The following TSHZ2 variants were observed in gnomAD, a reference collection of about 807,000 sequenced individuals.
TSHZ2 encodes the protein teashirt homolog 2.
A neutral mutation model predicts 74.4 loss-of-function variants in TSHZ2; 21 were observed. The observed-to-expected ratio is 0.28, with a 90% CI of 0.20 to 0.41. The LOEUF (loss-of-function observed/expected upper bound fraction) is 0.41. TSHZ2 is among the 10% of genes least tolerant of loss of function. The probability of loss-of-function intolerance (pLI) is 1.00; values close to 1 mark genes in which losing one functional copy is unlikely to be tolerated. For missense variants in TSHZ2, 1,244 were observed against 1,293.5 expected (o/e 0.96, Z 0.59); for synonymous variants, 540 against 515.3 (o/e 1.05, Z -0.65).
intron 2 of TSHZ2, among the ~76,000 whole-genome samples, chr20:53,395,058 G>C (rs1982400004): frequency 6.6e-6 from 1 of 152,012 alleles, no homozygotes; most frequent in Non-Finnish European, 1.5e-5. Context: ...GGAAGGTAGA[G>C]GAGCTTTAAA....
chr20:53,254,993 G>A lies in TSHZ2; in HGVS notation c.1535G>A (p.Gly512Asp), dbSNP rs777189506. 10 of 1,614,070 alleles carry A rather than the reference G, an allele frequency of 6.2e-6. No individual in the cohort carries two copies. In the African/African-American group the frequency reaches 1.2e-4, roughly 19 times the overall value. ...REEDLEDGSK[G>D]GGDILKSLEN... ...GAAGACTTGGAAGATGGCTCAAAGG[G>A]TGGAGGGGACATTTTGAAATCTTTG... The change falls in exon 2 of 3, where the codon GGT becomes GAT. Residue 512 changes from glycine to aspartate, a missense_variant. By Grantham distance (94) the Gly-to-Asp change is moderately conservative. Transcript: ENST00000371497.
chr20:53,042,488 T>C (rs1300288444), intron 1 of TSHZ2, among the ~76,000 whole-genome samples: 1 of 152,168 alleles, frequency 6.6e-6, no homozygotes, highest in Admixed American at 6.5e-5. Flanking sequence ...CTGACAATGC[T>C]TTGAAAGAGG....
rs1175205330 is a variant in TSHZ2 at position 53,256,992 on chromosome 20, G to T, written c.*8+421G>T. On this transcript the variant is annotated intron_variant, in intron 2 of 2. Coordinates refer to ENST00000371497, the MANE Select transcript of TSHZ2 (RefSeq NM_173485.6). This position sits in a 1 kb window ranked among gnomAD's most constrained non-coding sequence, Gnocchi z 4.3. The stretch of plus-strand genomic sequence containing the variant: ...ATGACTTATAAAGTGACAAAAAGTT[G>T]AGCAATGGAAGAAAGATTGGAGAGT... 1.3e-5 allele frequency among the ~76,000 whole-genome samples: 2 copies of T among 152,180 alleles called. No individual in the cohort carries two copies. The highest frequency in any genetic ancestry group is 4.8e-5 in the African/African-American group (2 of 41,446).
Position 53,488,857 on chromosome 20 carries a change from A to T in TSHZ2, c.*1722A>T. ...GATTAAAAAAAAAAAAAAACTTCTT[A>T]TTTACCTCCTAGGGAAAGTGTTGCC... On this transcript the variant is annotated 3_prime_UTR_variant, in exon 3 of 3. Transcript: ENST00000371497. 9.0e-6 allele frequency: 3 copies of T among 332,924 alleles called. No individual in the cohort carries two copies. The highest frequency in any genetic ancestry group is 2.4e-5 in the South Asian group (1 of 41,794). 20.6% of individuals were successfully genotyped at this position (332,924 alleles called of 1,614,324 possible).
At chr20:53,284,708 A>T (rs1991131402) in intron 2 of TSHZ2, among the ~76,000 whole-genome samples, 1 of 151,318 alleles carries the variant, frequency 6.6e-6, no homozygotes, top group Non-Finnish European at 1.5e-5. Flanking sequence ...TCCCCCCTAC[A>T]CGCCCGTCCC....
At chr20:53,170,527 C>T (rs992194079) in intron 1 of TSHZ2, among the ~76,000 whole-genome samples, 3 of 152,068 alleles carry the variant, frequency 2.0e-5, no homozygotes, top group East Asian at 1.9e-4. Flanking sequence ...ATGGTGGTGG[C>T]GGGGGCCGGG....
At chr20:53,292,360 C>G (rs1172400590) in intron 2 of TSHZ2, among the ~76,000 whole-genome samples, 1 of 152,062 alleles carries the variant, frequency 6.6e-6, no homozygotes, top group African/African-American at 2.4e-5. Context: ...CAAAGCAATC[C>G]TAGTAGCCTC....
At chr20:53,275,791 G>A (rs539209241) in intron 2 of TSHZ2, among the ~76,000 whole-genome samples, 2 of 152,162 alleles carry the variant, frequency 1.3e-5, no homozygotes, top group Non-Finnish European at 2.9e-5. Context: ...GCCAGGCGCG[G>A]TGGCACATGC....
chr20:53,159,647 G>A (rs1407683162), intron 1 of TSHZ2, among the ~76,000 whole-genome samples: 1 of 145,076 alleles, frequency 6.9e-6, no homozygotes, highest in Non-Finnish European at 1.5e-5. Flanking sequence ...TTAAAAAACA[G>A]GAGTTAAAAA....
chr20:53,043,701 A>G (rs1984126096), intron 1 of TSHZ2, among the ~76,000 whole-genome samples: 1 of 152,046 alleles, frequency 6.6e-6, no homozygotes, highest in Admixed American at 6.6e-5. Flanking sequence ...CAATTTCTTC[A>G]TTCGAATATA....
intron 1 of TSHZ2, among the ~76,000 whole-genome samples, chr20:53,058,574 C>T (rs1038592422): frequency 3.3e-5 from 5 of 152,148 alleles, no homozygotes; most frequent in African/African-American, 7.2e-5. Flanking sequence ...AAGCTGACCC[C>T]GTTAGTTGTT....
intron 1 of TSHZ2, among the ~76,000 whole-genome samples, chr20:53,032,145 G>A (rs1460157488): frequency 1.3e-5 from 2 of 152,190 alleles, no homozygotes; most frequent in African/African-American, 4.8e-5. Flanking sequence ...ATTGCTCCAA[G>A]AGGAAACACA....
intron 2 of TSHZ2, among the ~76,000 whole-genome samples, chr20:53,334,400 G>C (rs73911295): frequency 0.011 from 1,603 of 152,250 alleles, 20 homozygotes; most frequent in African/African-American, 0.037. Context: ...ATTCTAAGTG[G>C]GGGAACAGCA....
chr20:53,399,236 T>C lies in TSHZ2; in HGVS notation c.*9-87908T>C, dbSNP rs1044034350. On this transcript the variant is annotated intron_variant, in intron 2 of 2. Coordinates refer to ENST00000371497, the MANE Select transcript of TSHZ2 (RefSeq NM_173485.6). The stretch of plus-strand genomic sequence containing the variant: ...ACACGATAATTTAAACTTGTTTGTA[T>C]GGAAATAAAGGACGAGTCTTTGAAG... 1.4e-4 allele frequency: 21 copies of C among 152,182 alleles called. 1 individual carries two copies. The highest frequency in any genetic ancestry group is 1.5e-5 in the Non-Finnish European group (1 of 68,042). 9.4% of individuals were successfully genotyped at this position (152,182 alleles called of 1,614,324 possible). A position where few individuals can be genotyped will look rare whatever the true frequency, so the allele number is the denominator to read the frequency against.
intron 2 of TSHZ2, among the ~76,000 whole-genome samples, chr20:53,355,482 TTAAGC>T (rs1331367450): frequency 6.6e-6 from 1 of 152,148 alleles, no homozygotes; most frequent in Non-Finnish European, 1.5e-5. Flanking sequence ...TTCAAAAACA[TTAAGC>T]TAAGTGAAAG....
intron 1 of TSHZ2, among the ~76,000 whole-genome samples, chr20:53,052,367 G>A (rs981921799): frequency 2.6e-5 from 4 of 152,168 alleles, no homozygotes; most frequent in South Asian, 2.1e-4. Flanking sequence ...CAGCAAGTGC[G>A]GCATTAGATT....
At chr20:53,436,564 T>TTTTG (rs1984088176) in intron 2 of TSHZ2, among the ~76,000 whole-genome samples, 1 of 145,564 alleles carries the variant, frequency 6.9e-6, no homozygotes, top group Admixed American at 6.9e-5. Flanking sequence ...TTTTTTTTTT[T>TTTTG]AGATGGAGCC....
Position 53,342,298 on chromosome 20 carries a change from C to CT in TSHZ2, c.*8+85747dup, listed in dbSNP as rs150260645. ...TTGTTGGCAGTAATATCTTCTCAGG[C>CT]TTTTTTTTTTTTTTTTTTTTAATGA... On this transcript the variant is annotated intron_variant, in intron 2 of 2. Coordinates refer to ENST00000371497, the MANE Select transcript of TSHZ2 (RefSeq NM_173485.6). Among the ~76,000 whole-genome samples the CT allele has an allele frequency of 6.3e-3, 723 of 115,328 alleles. 15 individuals are homozygous for CT. Among genetic ancestry groups the CT allele is most frequent in the African/African-American group, 0.017 (496 of 29,422 alleles). 75.7% of individuals were successfully genotyped at this position (115,328 alleles called of 152,430 possible). A position where few individuals can be genotyped will look rare whatever the true frequency, so the allele number is the denominator to read the frequency against.
At chr20:53,301,687 C>T (rs1180701213) in intron 2 of TSHZ2, among the ~76,000 whole-genome samples, 1 of 152,180 alleles carries the variant, frequency 6.6e-6, no homozygotes, top group African/African-American at 2.4e-5. Context: ...AGTAGATACC[C>T]TCTTCTCCTT....
Sources: allele counts gnomAD v4.1 joint callset (sites outside exome capture counted in the v4.1 genomes callset), GRCh38; gene constraint gnomAD v4.1.1; non-coding constraint Gnocchi (gnomAD v3.1); transcripts MANE v1.5; gene names NCBI Gene and HGNC (gene_info 2026-07-23, HGNC 2026-07-21).